ADAMTS12: variants seen among roughly 807,000 people sequenced by gnomAD.
ADAMTS12 encodes the protein A disintegrin and metalloproteinase with thrombospondin motifs 12.
A neutral mutation model predicts 167.8 loss-of-function variants in ADAMTS12; 118 were observed. That is an observed-to-expected ratio of 0.70 (90% CI 0.61 to 0.82). The LOEUF (loss-of-function observed/expected upper bound fraction) is 0.82, where lower values mean the gene tolerates loss of function less well. Ranked by LOEUF, ADAMTS12 falls within the 40% of genes least tolerant of loss-of-function variation. The pLI is 0.00. For missense variants in ADAMTS12, 1,916 were observed against 1,998.8 expected, an observed-to-expected ratio of 0.96 and a Z score of 0.79; for synonymous variants, 704 against 716.9, an observed-to-expected ratio of 0.98 and a Z score of 0.29.
At chr5:33,532,470 C>G (rs56323133) in intron 23 of ADAMTS12, among the ~76,000 whole-genome samples, 1 of 141,832 alleles carries the variant, frequency 7.1e-6, no homozygotes, top group African/African-American at 2.7e-5. Context: ...AGTACTGTTT[C>G]TATTTTTTTT....
chr5:33,809,780 T>C (rs1005855900), intron 2 of ADAMTS12, among the ~76,000 whole-genome samples: 2 of 151,828 alleles, frequency 1.3e-5, no homozygotes, highest in Non-Finnish European at 2.9e-5. Context: ...ATAGTCAGGG[T>C]CAGGCTCACT....
chr5:33,890,463 G>A (rs1209539563), intron 1 of ADAMTS12, among the ~76,000 whole-genome samples: 1 of 152,282 alleles, frequency 6.6e-6, no homozygotes, highest in Non-Finnish European at 1.5e-5. Flanking sequence ...CTTCTGATAC[G>A]TCTTGAAGCC....
At chr5:33,811,220 T>G (rs998466790) in intron 2 of ADAMTS12, among the ~76,000 whole-genome samples, 2 of 152,170 alleles carry the variant, frequency 1.3e-5, no homozygotes, top group African/African-American at 4.8e-5. Context: ...ACCAGGATGA[T>G]CAACACTAGA....
intron 20 of ADAMTS12, among the ~76,000 whole-genome samples, chr5:33,558,249 T>C (rs1221435248): frequency 2.0e-5 from 3 of 152,082 alleles, no homozygotes; most frequent in Non-Finnish European, 2.9e-5. Flanking sequence ...ATACCCATAA[T>C]AGTGGTCAGA....
rs1427579126 is a variant in ADAMTS12 at position 33,524,653 on chromosome 5, A to G, written c.*2535T>C. ...GTACAGCAAGCACTGGGACATGTCA[A>G]AATACTGACGACTCATCACTGAGTG... is the stretch of plus-strand genomic sequence containing the variant. On this transcript the variant is annotated 3_prime_UTR_variant, in exon 24 of 24. Transcript: ENST00000504830. 4 of 152,256 alleles carry G rather than the reference A, an allele frequency of 2.6e-5. No homozygotes were observed. The highest frequency in any genetic ancestry group is 7.2e-5 in the African/African-American group (3 of 41,456). 9.4% of individuals were successfully genotyped at this position (152,256 alleles called of 1,614,324 possible).
chr5:33,683,845 G>A lies in ADAMTS12; in HGVS notation c.831+14C>T. ...GTTCACTAGCTGCCCCAGCCCCCAT[G>A]TAGTCTGGCATACCATGTTCATGAT... is the stretch of plus-strand genomic sequence containing the variant. On this transcript the variant is annotated intron_variant, in intron 4 of 23. Coordinates refer to ENST00000504830, the MANE Select transcript of ADAMTS12 (RefSeq NM_030955.4). 6.8e-7 allele frequency: 1 copy of A among 1,464,622 alleles called. No homozygotes were observed. Among genetic ancestry groups the A allele is most frequent in the East Asian group, 2.5e-5 (1 of 39,716 alleles). 90.7% of individuals were successfully genotyped at this position (1,464,622 alleles called of 1,614,324 possible).
intron 13 of ADAMTS12, among the ~76,000 whole-genome samples, chr5:33,624,555 GGGA>G (rs1398798738): frequency 6.6e-6 from 1 of 152,204 alleles, no homozygotes; most frequent in Non-Finnish European, 1.5e-5. Flanking sequence ...TCAGAGAGGA[GGGA>G]GGCACACATT....
chr5:33,762,071 A>C (rs1745377724), intron 2 of ADAMTS12, among the ~76,000 whole-genome samples: 1 of 152,164 alleles, frequency 6.6e-6, no homozygotes, highest in Non-Finnish European at 1.5e-5. Flanking sequence ...ATGCGCCTGT[A>C]GTCCCAGCTA....
intron 2 of ADAMTS12, among the ~76,000 whole-genome samples, chr5:33,867,152 C>T (rs1749853929): frequency 6.6e-6 from 1 of 152,112 alleles, no homozygotes. Flanking sequence ...AAAAAGACAA[C>T]TGCATACGTG....
chr5:33,646,387 A>T (rs1011165587), intron 9 of ADAMTS12, among the ~76,000 whole-genome samples: 4 of 152,182 alleles, frequency 2.6e-5, no homozygotes, highest in African/African-American at 9.7e-5. Flanking sequence ...GACAATGTGT[A>T]GGGCCTATGT....
chr5:33,602,796 C>A (rs60224809), intron 16 of ADAMTS12, among the ~76,000 whole-genome samples: 2,806 of 152,290 alleles, frequency 0.018, 94 homozygotes, highest in African/African-American at 0.064. Flanking sequence ...GAACTAGTTT[C>A]AGTAAACAGA....
chr5:33,789,934 T>C (rs1746463489), intron 2 of ADAMTS12, among the ~76,000 whole-genome samples: 2 of 148,456 alleles, frequency 1.3e-5, no homozygotes, highest in Middle Eastern at 3.4e-3. Context: ...TTAAAGCAAA[T>C]CCGCTATCTC....
chr5:33,649,035 C>T, intron 8 of ADAMTS12, 69 bp from the exon 9 acceptor site: 1 of 1,566,934 alleles, frequency 6.4e-7, no homozygotes, highest in Non-Finnish European at 8.7e-7. Context: ...TTTCATTCAA[C>T]AGAAACTTCC....
intron 2 of ADAMTS12, among the ~76,000 whole-genome samples, chr5:33,817,796 T>C (rs2548036): frequency 0.49 from 74,860 of 151,996 alleles, 19,141 homozygotes; most frequent in Non-Finnish European, 0.54. Context: ...CAGTCAGTAT[T>C]CAGATGTCCC....
intron 2 of ADAMTS12, among the ~76,000 whole-genome samples, chr5:33,825,578 G>C (rs1438124272): frequency 6.6e-6 from 1 of 152,172 alleles, no homozygotes; most frequent in Non-Finnish European, 1.5e-5. Flanking sequence ...AAAAGCATAT[G>C]AGTCTCTTAA....
chr5:33,836,596 A>G (rs991211910), intron 2 of ADAMTS12, among the ~76,000 whole-genome samples: 2 of 152,202 alleles, frequency 1.3e-5, no homozygotes, highest in African/African-American at 4.8e-5. Context: ...AAAAAAGCAC[A>G]AAGTCCATTC....
chr5:33,729,375 T>C (rs1250211971), intron 3 of ADAMTS12, among the ~76,000 whole-genome samples: 2 of 152,236 alleles, frequency 1.3e-5, no homozygotes, highest in African/African-American at 4.8e-5. Context: ...GGAAAGTCCC[T>C]AGTTGCATGA....
chr5:33,628,889 CAA>C (rs757180802), intron 13 of ADAMTS12, among the ~76,000 whole-genome samples: 1 of 152,172 alleles, frequency 6.6e-6, no homozygotes, highest in Non-Finnish European at 1.5e-5. Flanking sequence ...CTGGCTCCCA[CAA>C]AGAGTAAGGC....
At chr5:33,810,582 CA>C (rs1466271142) in intron 2 of ADAMTS12, among the ~76,000 whole-genome samples, 1 of 151,920 alleles carries the variant, frequency 6.6e-6, no homozygotes, top group Non-Finnish European at 1.5e-5. Context: ...GAAAAGAGTA[CA>C]AAAAAAGTGA....
Sources: gnomAD v4.1 joint callset for allele counts (sites outside exome capture counted in the v4.1 genomes callset) on GRCh38, gnomAD v4.1.1 for gene constraint, MANE v1.5 for transcripts, NCBI Gene and HGNC (gene_info 2026-07-23, HGNC 2026-07-21) for gene names.